TNNI1: variants seen among roughly 807,000 people sequenced by gnomAD.
TNNI1 encodes the protein troponin I1, slow skeletal type, also known as troponin I, slow skeletal muscle.
In TNNI1, 14 loss-of-function variants were observed where a neutral mutation model predicts 26.7. The ratio of observed to expected loss-of-function variants is 0.52; its 90% CI spans 0.35 to 0.82. The LOEUF is 0.82. TNNI1 is among the 40% of genes least tolerant of loss of function. TNNI1 has a pLI of 0.01. For synonymous variants in TNNI1, 79 were observed against 98.2 expected (o/e 0.80, Z 1.16); for missense variants, 164 against 257.0 (o/e 0.64, Z 2.47).
rs778197360 is a variant in TNNI1 at position 201,410,352 on chromosome 1, G to A, written c.540C>T (p.Ala180=). 1.1e-5 allele frequency: 17 copies of A among 1,614,130 alleles called. 1 individual carries two copies. The highest frequency in any genetic ancestry group is 7.7e-5 in the South Asian group (7 of 91,074). Residue 180 remains alanine (A), a synonymous_variant, in exon 8 of 9, where the codon GCC becomes GCT. Coordinates refer to ENST00000361379, the MANE Select transcript of TNNI1 (RefSeq NM_003281.4). ...GMEGRKKMFD[A]AKSPTSQ ...TCTATTGTGAGGTCGGAGACTTGGC[G>A]GCATCAAACATCTTCTTCCGGCCTT...
intron 1 of TNNI1, among the ~76,000 whole-genome samples, chr1:201,418,463 T>A (rs541050186): frequency 2.6e-4 from 35 of 136,090 alleles, no homozygotes; most frequent in Non-Finnish European, 5.2e-4. Flanking sequence ...ATGAGTCTCC[T>A]TCTCAAAAAA....
At chr1:201,419,635 C>T (rs1447410958) in intron 1 of TNNI1, among the ~76,000 whole-genome samples, 1 of 152,192 alleles carries the variant, frequency 6.6e-6, no homozygotes, top group Non-Finnish European at 1.5e-5. Context: ...CTTCCTCTGC[C>T]CTAATTCTCT....
intron 6 of TNNI1, among the ~76,000 whole-genome samples, 174 bp downstream of exon 6, chr1:201,412,858 C>A (rs975525359): frequency 6.6e-6 from 1 of 152,212 alleles, no homozygotes; most frequent in African/African-American, 2.4e-5. Flanking sequence ...GTGTGATTAT[C>A]CACTCTACCC....
At chr1:201,410,463 G>T (rs1280661158) in intron 7 of TNNI1, 28 bp from the exon 8 acceptor site, 2 of 1,600,522 alleles carry the variant, frequency 1.2e-6, no homozygotes, top group African/African-American at 2.7e-5. Flanking sequence ...ACACATCAGG[G>T]ACTTACCAGG....
chr1:201,417,405 C>A (rs1662762790), intron 2 of TNNI1, among the ~76,000 whole-genome samples: 1 of 152,152 alleles, frequency 6.6e-6, no homozygotes. Context: ...GGGAGGGAAG[C>A]CTTAGCGTAG....
intron 8 of TNNI1, 121 bp downstream of exon 8, chr1:201,410,205 C>T (rs1465943490): frequency 7.7e-6 from 6 of 779,214 alleles, no homozygotes; most frequent in Admixed American, 4.6e-5. Flanking sequence ...TCAGTCTCAT[C>T]GGTGCCTTAG....
At chr1:201,414,338 T>C (rs1662695734) in intron 5 of TNNI1, among the ~76,000 whole-genome samples, 180 bp downstream of exon 5, 1 of 152,240 alleles carries the variant, frequency 6.6e-6, no homozygotes, top group South Asian at 2.1e-4. Flanking sequence ...TAAAATGGAA[T>C]CTAATGTTCC....
At chr1:201,415,379 A>G in intron 3 of TNNI1, 125 bp from the exon 4 acceptor site, 1 of 973,792 alleles carries the variant, frequency 1.0e-6, no homozygotes, top group Admixed American at 2.2e-5. Context: ...TGCTCACCCT[A>G]CGGTGCCTTA....
At chr1:201,420,436 A>AG (rs574376490) in intron 1 of TNNI1, among the ~76,000 whole-genome samples, 95 of 151,148 alleles carry the variant, frequency 6.3e-4, no homozygotes, top group African/African-American at 2.1e-3. Context: ...CCTCCCCCCG[A>AG]GGGGGGGAGC....
rs1385825467 is a variant in TNNI1, at chr1:201,416,628, G to A, written c.15+488C>T. 4.6e-5 allele frequency among the ~76,000 whole-genome samples: 7 copies of A among 152,206 alleles called. No homozygotes were observed. In the East Asian group the frequency reaches 1.3e-3, roughly 29 times the overall value. ...GGAGTGTATAGAATGGCCAGTGTCA[G>A]GGTTTTCTAACACCTGAGGGATTTA... On this transcript the variant is annotated intron_variant, in intron 3 of 8. Transcript: ENST00000361379.
chr1:201,409,479 A>G (rs562489811), intron 8 of TNNI1, among the ~76,000 whole-genome samples: 1 of 152,116 alleles, frequency 6.6e-6, no homozygotes, highest in South Asian at 2.1e-4. Flanking sequence ...TGCGGCCCTC[A>G]GCTCTTACCT....
At chr1:201,419,566 G>T (rs950503645) in intron 1 of TNNI1, among the ~76,000 whole-genome samples, 4 of 152,226 alleles carry the variant, frequency 2.6e-5, no homozygotes, top group Non-Finnish European at 4.4e-5. Context: ...GGTCTGGGAA[G>T]TGGGGAATTA....
At chr1:201,418,886 T>C (rs1038624168) in intron 1 of TNNI1, among the ~76,000 whole-genome samples, 2 of 152,152 alleles carry the variant, frequency 1.3e-5, no homozygotes, top group Admixed American at 6.5e-5. Context: ...TATTATTTGG[T>C]TGAATCCTTT....
At chr1:201,421,559 A>C (rs759473509) in intron 1 of TNNI1, 114 bp downstream of exon 1, 1 of 152,206 alleles carries the variant, frequency 6.6e-6, no homozygotes, top group Non-Finnish European at 1.5e-5. Flanking sequence ...CCAACTGCAC[A>C]GGCAAGAAAT....
chr1:201,411,240 G>T lies in TNNI1; in HGVS notation c.456+117C>A. On this transcript the variant is annotated intron_variant, in intron 7 of 8. Coordinates refer to ENST00000361379, the MANE Select transcript of TNNI1 (RefSeq NM_003281.4). The surrounding 1 kb of genome is among the most constrained non-coding windows in gnomAD (Gnocchi z 4.6). ...CAAAGCATTCTAGAATGTTCTGTCT[G>T]TCAAGCTGACTGGTCTCCAACAGGA... The T allele has an allele frequency of 9.4e-7, 1 of 1,062,864 alleles. No homozygotes were observed. 65.8% of individuals were successfully genotyped at this position (1,062,864 alleles called of 1,614,324 possible). A position where few individuals can be genotyped will look rare whatever the true frequency, so the allele number is the denominator to read the frequency against.
In TNNI1 at chr1:201,406,902, T is replaced by A. The variant is rs1662527434; in HGVS notation, c.*2351A>T. 3 of 152,392 alleles carry A rather than the reference T, an allele frequency of 2.0e-5. No homozygotes were observed. The highest frequency in any genetic ancestry group is 4.1e-4 in the South Asian group (2 of 4,822). The allele number at this position is 152,392 out of a possible 1,614,324, so 9.4% of individuals were successfully genotyped here. ...CCGATGACCTCCAGGAACCCTCTGG[T>A]TGGCTCTTCTGCCCCTCCTAGAGGG... On this transcript the variant is annotated 3_prime_UTR_variant, in exon 9 of 9. Transcript: ENST00000361379.
Position 201,404,299 on chromosome 1 carries a change from C to G in TNNI1, c.*4954G>C, listed in dbSNP as rs975384543. On this transcript the variant is annotated 3_prime_UTR_variant, in exon 9 of 9. Transcript: ENST00000361379. The stretch of plus-strand genomic sequence containing the variant: ...GATCCCCAGCCCCAACCAGCTGGCT[C>G]GAGGTCACATCCTGATATTTCAGTT... 1 of 152,138 alleles carries G rather than the reference C, an allele frequency of 6.6e-6. No individual in the cohort carries two copies. Among genetic ancestry groups the G allele is most frequent in the Non-Finnish European group, 1.5e-5 (1 of 68,024 alleles). 9.4% of individuals were successfully genotyped at this position (152,138 alleles called of 1,614,324 possible). A position where few individuals can be genotyped will look rare whatever the true frequency, so the allele number is the denominator to read the frequency against.
intron 1 of TNNI1, 83 bp downstream of exon 1, chr1:201,421,590 C>T (rs1662857573): frequency 6.6e-6 from 1 of 152,204 alleles, no homozygotes; most frequent in Admixed American, 6.5e-5. Flanking sequence ...AGCTCCAAGA[C>T]CTCGCTTTCT....
chr1:201,404,278 C>G lies in TNNI1; in HGVS notation c.*4975G>C, dbSNP rs1377725200. ...GACAGAGTGGAGATCCAGGGGGATC[C>G]CCAGCCCCAACCAGCTGGCTCGAGG... is the stretch of plus-strand genomic sequence containing the variant. On this transcript the variant is annotated 3_prime_UTR_variant, in exon 9 of 9. Transcript: ENST00000361379. 6.6e-6 allele frequency: 1 copy of G among 152,106 alleles called. No individual in the cohort carries two copies. The highest frequency in any genetic ancestry group is 1.5e-5 in the Non-Finnish European group (1 of 68,014). 9.4% of individuals were successfully genotyped at this position (152,106 alleles called of 1,614,324 possible).
Sources: gnomAD v4.1 joint callset for allele counts (sites outside exome capture counted in the v4.1 genomes callset) on GRCh38, gnomAD v4.1.1 for gene constraint, Gnocchi (gnomAD v3.1) non-coding constraint, MANE v1.5 for transcripts, NCBI Gene and HGNC (gene_info 2026-07-23, HGNC 2026-07-21) for gene names.